UQCC1: variants seen among roughly 807,000 people sequenced by gnomAD.
The protein encoded by UQCC1 is bFGF-repressed Zic-binding protein.
UQCC1 carries 38 observed loss-of-function variants against 48.0 expected under a neutral mutation model. The observed-to-expected ratio is 0.79, with a 90% CI of 0.61 to 1.04. The LOEUF is 1.04. UQCC1 is among the 50% of genes least tolerant of loss of function. The pLI, the probability that UQCC1 is intolerant of heterozygous loss-of-function variation, is 0.00. For synonymous variants in UQCC1, 111 were observed against 129.2 expected (o/e 0.86, Z 0.95); for missense variants, 368 against 381.8 (o/e 0.96, Z 0.30).
chr20:35,332,780 G>A (rs573829127), intron 7 of UQCC1, among the ~76,000 whole-genome samples: 3 of 152,214 alleles, frequency 2.0e-5, no homozygotes, highest in Non-Finnish European at 4.4e-5. Context: ...GCGAGAAAGA[G>A]AATGTCCTCC....
intron 3 of UQCC1, among the ~76,000 whole-genome samples, 187 bp from the exon 4 acceptor site, chr20:35,382,212 T>G (rs2061879503): frequency 6.6e-6 from 1 of 152,060 alleles, no homozygotes; most frequent in Non-Finnish European, 1.5e-5. Flanking sequence ...GCTCAAGTGA[T>G]CCTCCTGCCT....
intron 4 of UQCC1, among the ~76,000 whole-genome samples, chr20:35,381,112 G>C (rs573418547): frequency 2.4e-4 from 36 of 152,140 alleles, no homozygotes; most frequent in Non-Finnish European, 4.4e-4. Flanking sequence ...AGGCAGAGAG[G>C]ACATTCATTC....
intron 1 of UQCC1, among the ~76,000 whole-genome samples, chr20:35,397,200 CAAAAAAAAAAGAAA>C (rs1394132930): frequency 8.0e-5 from 8 of 100,136 alleles, no homozygotes; most frequent in East Asian, 2.9e-4. Context: ...GACTCTGTCT[CAAAAAAAAAAGAAA>C]AAAAAAAAAA....
intron 6 of UQCC1, among the ~76,000 whole-genome samples, chr20:35,360,627 T>C (rs958521243): frequency 3.3e-5 from 5 of 152,110 alleles, no homozygotes; most frequent in African/African-American, 1.2e-4. Context: ...CTCAATCCCA[T>C]ATAGTCTGTT....
In UQCC1 at chr20:35,378,353, C is replaced by G. The variant is rs560912651; in HGVS notation, c.333+3565G>C. Among the ~76,000 whole-genome samples, 13 of 152,212 alleles carry G rather than the reference C, an allele frequency of 8.5e-5. No homozygotes were observed. The South Asian group carries it at 1.0e-3, about 12-fold the overall frequency. On this transcript the variant is annotated intron_variant, in intron 4 of 9. Transcript: ENST00000374385. ...AAAGGGCCTGGCAAGGTGGCTCATG[C>G]CTGTAATCCCAGCACTTTGAGAGGC...
chr20:35,405,357 C>A (rs1173241101), intron 1 of UQCC1, among the ~76,000 whole-genome samples: 1 of 152,128 alleles, frequency 6.6e-6, no homozygotes, highest in African/African-American at 2.4e-5. Context: ...AATACAACAG[C>A]AAACCCTGGG....
intron 5 of UQCC1, among the ~76,000 whole-genome samples, chr20:35,371,714 A>C (rs928158241): frequency 6.6e-6 from 1 of 151,150 alleles, no homozygotes; most frequent in Non-Finnish European, 1.5e-5. Flanking sequence ...AAAAAAAAAA[A>C]AAAAAAACAG....
intron 2 of UQCC1, among the ~76,000 whole-genome samples, chr20:35,389,446 C>T (rs1396876607): frequency 6.6e-6 from 1 of 151,998 alleles, no homozygotes; most frequent in Non-Finnish European, 1.5e-5. Flanking sequence ...CACCTGTAAT[C>T]AAGCTATTCA....
At chr20:35,308,834 C>T (rs1487701577) in intron 8 of UQCC1, among the ~76,000 whole-genome samples, 1 of 152,170 alleles carries the variant, frequency 6.6e-6, no homozygotes, top group African/African-American at 2.4e-5. Context: ...CTTGCCTCAG[C>T]CTCCCAAGTA....
In UQCC1 at chr20:35,394,342, C is replaced by T. The variant is rs2062049254; in HGVS notation, c.25-146G>A. On this transcript the variant is annotated intron_variant, in intron 1 of 9. Transcript: ENST00000374385. ...TTCCTGGCACAGAGCTCCTAAAACC[C>T]TTGGAATTTCTGAGTGAGGGGGGTG... 4.4e-6 allele frequency: 3 copies of T among 684,886 alleles called. No individual in the cohort carries two copies. In the South Asian group the frequency reaches 5.5e-5, roughly 13 times the overall value. The allele number at this position is 684,886 out of a possible 1,614,324, so 42.4% of individuals were successfully genotyped here.
chr20:35,358,356 C>CA (rs1198006186), intron 6 of UQCC1, among the ~76,000 whole-genome samples: 2,502 of 49,390 alleles, frequency 0.051, 302 homozygotes, highest in African/African-American at 0.14. Flanking sequence ...GACTCTGTCT[C>CA]AAAAAAAAAA....
chr20:35,386,210 A>G (rs1344544159), intron 2 of UQCC1: 1 of 388,776 alleles, frequency 2.6e-6, no homozygotes, highest in African/African-American at 2.1e-5. Flanking sequence ...TTAAGAATCT[A>G]TAGCCAAAAT....
At chr20:35,316,146 TCTGA>T (rs2061056930) in intron 7 of UQCC1, among the ~76,000 whole-genome samples, 1 of 152,214 alleles carries the variant, frequency 6.6e-6, no homozygotes, top group African/African-American at 2.4e-5. Context: ...GAGTAAGGAC[TCTGA>T]CTATCTGAAC....
intron 1 of UQCC1, among the ~76,000 whole-genome samples, chr20:35,411,470 T>C (rs1273597099): frequency 1.3e-5 from 2 of 152,170 alleles, no homozygotes; most frequent in African/African-American, 4.8e-5. Context: ...ACTGACTTAT[T>C]ACCTATGAAA....
chr20:35,306,846 T>C (rs968352085), intron 8 of UQCC1, 67 bp from the exon 9 acceptor site: 50 of 1,253,092 alleles, frequency 4.0e-5, no homozygotes, highest in Non-Finnish European at 5.4e-5. Flanking sequence ...ACGGTGGGGA[T>C]ACTATGAACA....
intron 5 of UQCC1, among the ~76,000 whole-genome samples, chr20:35,371,612 G>GT (rs970900618): frequency 6.6e-6 from 1 of 150,424 alleles, no homozygotes; most frequent in African/African-American, 2.4e-5. Flanking sequence ...GATTACAGGC[G>GT]TGAGCCACCG....
chr20:35,366,562 G>A lies in UQCC1; in HGVS notation c.459C>T (p.His153=), dbSNP rs775682188. 1.8e-5 allele frequency: 29 copies of A among 1,613,668 alleles called. No individual in the cohort carries two copies. The highest frequency in any genetic ancestry group is 3.3e-5 in the South Asian group (3 of 91,028). ...CATTTAAATTGCTCACTTACCAGAC[G>A]TGGAGTAGGGTTATAAGAAACCATG... ...FNSWFLITLL[H]VWMCLVRMKQ... Residue 153 remains histidine, a synonymous_variant, in exon 6 of 10, where the codon CAC becomes CAT. Transcript: ENST00000374385.
At chr20:35,399,017 TA>T (rs1343720306) in intron 1 of UQCC1, among the ~76,000 whole-genome samples, 1 of 152,126 alleles carries the variant, frequency 6.6e-6, no homozygotes, top group Non-Finnish European at 1.5e-5. Flanking sequence ...CACTGAAGTG[TA>T]ACAGAAAGGG....
rs535464831 is a variant in UQCC1, at chr20:35,394,326, C to G, written c.25-130G>C. The G allele has an allele frequency of 4.8e-5, 38 of 787,288 alleles. No individual in the cohort carries two copies. The African/African-American group carries it at 5.9e-4, about 12-fold the overall frequency. 48.8% of individuals were successfully genotyped at this position (787,288 alleles called of 1,614,324 possible). A position where few individuals can be genotyped will look rare whatever the true frequency, so the allele number is the denominator to read the frequency against. On this transcript the variant is annotated intron_variant, in intron 1 of 9. Transcript: ENST00000374385. ...TGGCCTTCATCTCTAGTTCCTGGCACAGAGCTCCTAAAACCCTTGGAATTT... is the reference window on the plus strand; with the variant it reads ...TGGCCTTCATCTCTAGTTCCTGGCAGAGAGCTCCTAAAACCCTTGGAATTT...
Sources: gnomAD v4.1 joint callset for allele counts (sites outside exome capture counted in the v4.1 genomes callset) on GRCh38, gnomAD v4.1.1 for gene constraint, MANE v1.5 for transcripts, NCBI Gene and HGNC (gene_info 2026-07-23, HGNC 2026-07-21) for gene names.